Variants in FNDC3B observed in about 807,000 individuals in gnomAD.
The protein encoded by FNDC3B is fibronectin type III domain-containing protein 3B.
In FNDC3B, 12 loss-of-function variants were observed where a neutral mutation model predicts 151.5. The ratio of observed to expected loss-of-function variants is 0.08; its 90% confidence interval spans 0.05 to 0.13. The LOEUF (loss-of-function observed/expected upper bound fraction) is 0.13, where lower values mean the gene tolerates loss of function less well. Among genes scored for constraint, FNDC3B ranks in the 10% least tolerant of loss-of-function variants. The probability of loss-of-function intolerance (pLI) is 1.00; values close to 1 mark genes in which losing one functional copy is unlikely to be tolerated. For missense variants in FNDC3B, 1,214 were observed against 1,505.3 expected (o/e 0.81, Z 3.20); for synonymous variants, 528 against 549.0 (o/e 0.96, Z 0.54).
At chr3:172,324,492 C>T (rs74404022) in intron 11 of FNDC3B, among the ~76,000 whole-genome samples, 407 of 152,316 alleles carry the variant, frequency 2.7e-3, no homozygotes, top group Non-Finnish European at 4.6e-3. Context: ...CGTCATCCTG[C>T]GCCAGATTGA....
chr3:172,121,824 CCAAAAGTGCTG>C (rs1720562679), intron 2 of FNDC3B, among the ~76,000 whole-genome samples: 1 of 152,172 alleles, frequency 6.6e-6, no homozygotes, highest in African/African-American at 2.4e-5. Context: ...GCCATGGCTT[CCAAAAGTGCTG>C]GGATTACAGG....
chr3:172,188,551 G>A lies in FNDC3B; in HGVS notation c.188-38320G>A, dbSNP rs1010424903. Among the ~76,000 whole-genome samples the A allele has an allele frequency of 2.6e-4, 39 of 150,856 alleles. 1 individual carries two copies. Among genetic ancestry groups the A allele is most frequent in the Admixed American group, 1.5e-3 (22 of 15,158 alleles). On this transcript the variant is annotated intron_variant, in intron 3 of 25. Coordinates refer to ENST00000415807, the MANE Select transcript of FNDC3B (RefSeq NM_022763.4). ...CTCCAGAGTAGCTGGGACTTCAGGC[G>A]GGTGCCACCACGCCCGGCTAATTTT...
chr3:172,108,859 A>G lies in FNDC3B; in HGVS notation c.-28-3593A>G, dbSNP rs146645795. 1.5e-3 allele frequency among the ~76,000 whole-genome samples: 226 copies of G among 152,256 alleles called. 1 individual carries two copies. The highest frequency in any genetic ancestry group is 5.2e-3 in the African/African-American group (218 of 41,532). On this transcript the variant is annotated intron_variant, in intron 1 of 25. Transcript: ENST00000415807. ...TTGCCTTTTCTCTAGTCTGTTTTCTATGGAGCATAGACTAAGTCATTTCTA... is the reference window on the plus strand; with the variant it reads ...TTGCCTTTTCTCTAGTCTGTTTTCTGTGGAGCATAGACTAAGTCATTTCTA...
intron 23 of FNDC3B, among the ~76,000 whole-genome samples, chr3:172,366,699 A>G (rs1488466219): frequency 1.3e-5 from 2 of 152,218 alleles, no homozygotes; most frequent in Non-Finnish European, 2.9e-5. Flanking sequence ...TGCACAAGGT[A>G]TAGAGGGAAA....
At chr3:172,081,318 G>A (rs774582068) in intron 1 of FNDC3B, among the ~76,000 whole-genome samples, 6 of 150,906 alleles carry the variant, frequency 4.0e-5, no homozygotes, top group Non-Finnish European at 8.9e-5. Flanking sequence ...CATTTCTTTT[G>A]TCTCAGTAGC....
intron 1 of FNDC3B, among the ~76,000 whole-genome samples, chr3:172,097,415 A>C (rs1719144552): frequency 1.3e-5 from 2 of 152,194 alleles, no homozygotes; most frequent in Non-Finnish European, 2.9e-5. Flanking sequence ...CTTGGATAAA[A>C]CCTGTATTCT....
chr3:172,351,219 GTGTTCAGAGAGGGCTCGC>G (rs796975000), intron 21 of FNDC3B, among the ~76,000 whole-genome samples: 2 of 152,218 alleles, frequency 1.3e-5, no homozygotes, highest in East Asian at 1.9e-4. Flanking sequence ...AAGTTGAAAT[GTGTTCAGAGAGGGCTCGC>G]TGAACAGGTG....
intron 3 of FNDC3B, among the ~76,000 whole-genome samples, chr3:172,161,794 T>C (rs148938253): frequency 1.3e-5 from 2 of 152,332 alleles, no homozygotes; most frequent in African/African-American, 2.4e-5. Flanking sequence ...ACAGTCAGTT[T>C]TGGAGCATTT....
chr3:172,240,947 T>G (rs965283136), intron 4 of FNDC3B, among the ~76,000 whole-genome samples: 3 of 152,130 alleles, frequency 2.0e-5, no homozygotes, highest in African/African-American at 7.2e-5. Flanking sequence ...CCACTTATGC[T>G]TGTTTCTAGG....
intron 4 of FNDC3B, among the ~76,000 whole-genome samples, chr3:172,237,055 G>C (rs919215211): frequency 3.3e-5 from 5 of 152,196 alleles, no homozygotes; most frequent in Non-Finnish European, 7.3e-5. Context: ...CTTTATTTCT[G>C]AGTGTATAAA....
At chr3:172,163,070 T>A (rs1050544944) in intron 3 of FNDC3B, among the ~76,000 whole-genome samples, 5 of 152,108 alleles carry the variant, frequency 3.3e-5, no homozygotes, top group African/African-American at 4.8e-5. Context: ...GCCAGGAGTT[T>A]GAGACCAGCC....
At chr3:172,269,893 C>T (rs1209579163) in intron 6 of FNDC3B, among the ~76,000 whole-genome samples, 6 of 152,048 alleles carry the variant, frequency 3.9e-5, no homozygotes, top group African/African-American at 1.2e-4. Context: ...GTGATCCGCC[C>T]ACCTCAGCCT....
At chr3:172,049,782 C>G (rs751342282) in intron 1 of FNDC3B, among the ~76,000 whole-genome samples, 11 of 152,206 alleles carry the variant, frequency 7.2e-5, no homozygotes, top group Non-Finnish European at 1.6e-4. Context: ...TCGCCTCTAC[C>G]TCCCAAAGTC....
At chr3:172,154,099 T>A (rs1461428052) in intron 3 of FNDC3B, among the ~76,000 whole-genome samples, 2 of 152,204 alleles carry the variant, frequency 1.3e-5, no homozygotes, top group Non-Finnish European at 2.9e-5. Context: ...AGTTTGCTTA[T>A]TTGAAGGCAT....
chr3:172,214,138 T>A (rs1254540974), intron 3 of FNDC3B, among the ~76,000 whole-genome samples: 2 of 152,170 alleles, frequency 1.3e-5, no homozygotes, highest in Non-Finnish European at 2.9e-5. Context: ...CTGCCCTTGA[T>A]CAGACGCCAA....
chr3:172,147,313 A>C (rs1020388325), intron 3 of FNDC3B, among the ~76,000 whole-genome samples: 5 of 150,706 alleles, frequency 3.3e-5, no homozygotes, highest in East Asian at 3.9e-4. Context: ...CTCCAAACAA[A>C]AAAAAAAAAA....
At chr3:172,391,164 G>C (rs1322399098) in intron 25 of FNDC3B, among the ~76,000 whole-genome samples, 3 of 152,166 alleles carry the variant, frequency 2.0e-5, no homozygotes, top group Non-Finnish European at 2.9e-5. Context: ...CAGCCTCTCT[G>C]AGCCTTAGTT....
In FNDC3B at chr3:172,343,250, C is replaced by T. The variant is rs1733428806; in HGVS notation, c.2077+134C>T. The T allele has an allele frequency of 4.9e-6, 3 of 607,474 alleles. No homozygotes were observed. The East Asian group carries it at 8.7e-5, about 18-fold the overall frequency. The allele number at this position is 607,474 out of a possible 1,614,324, so 37.6% of individuals were successfully genotyped here. The stretch of plus-strand genomic sequence containing the variant: ...TTTGTCTGTTGAGGATGTCCATATT[C>T]TTCTTGAAGTATGTTGACCCAGGTT... On this transcript the variant is annotated intron_variant, in intron 18 of 25. Transcript: ENST00000415807.
intron 3 of FNDC3B, among the ~76,000 whole-genome samples, chr3:172,180,239 A>C (rs1342427105): frequency 6.6e-6 from 1 of 152,052 alleles, no homozygotes; most frequent in East Asian, 1.9e-4. Flanking sequence ...TGGACTGTGG[A>C]TCTCCTGAGT....
Sources: gnomAD v4.1 joint callset for allele counts (sites outside exome capture counted in the v4.1 genomes callset) on GRCh38, gnomAD v4.1.1 for gene constraint, MANE v1.5 for transcripts, NCBI Gene and HGNC (gene_info 2026-07-23, HGNC 2026-07-21) for gene names.